The following ERBB4 variants were observed in gnomAD, a reference collection of about 807,000 sequenced individuals.
The protein encoded by ERBB4 is receptor tyrosine-protein kinase erbB-4.
In ERBB4, 42 loss-of-function variants were observed where a neutral mutation model predicts 158.0. The ratio of observed to expected loss-of-function variants is 0.27; its 90% confidence interval spans 0.21 to 0.34. The LOEUF is 0.34. Among genes scored for constraint, ERBB4 ranks in the 10% least tolerant of loss-of-function variants. The probability of loss-of-function intolerance (pLI) is 1.00; values close to 1 mark genes in which losing one functional copy is unlikely to be tolerated. For missense variants in ERBB4, 1,333 were observed against 1,624.1 expected (o/e 0.82, Z 3.08); for synonymous variants, 583 against 558.7 (o/e 1.04, Z -0.61).
chr2:212,501,721 C>T (rs1304894887), intron 1 of ERBB4, among the ~76,000 whole-genome samples: 1 of 152,128 alleles, frequency 6.6e-6, no homozygotes, highest in African/African-American at 2.4e-5. Context: ...TGAGCTCCAT[C>T]TTGGACTTTC....
In ERBB4 at chr2:211,685,971, C is replaced by T. The variant is rs115573931; in HGVS notation, c.1490-6787G>A. ...AAACTTTGTAAGTTTTATCTTCTAT[C>T]CTATAATCATGCTGAATTTGCTTAT... On this transcript the variant is annotated intron_variant, in intron 12 of 27. Transcript: ENST00000342788. Among the ~76,000 whole-genome samples, 431 of 152,200 alleles carry T rather than the reference C, an allele frequency of 2.8e-3. 6 individuals carry two copies. The highest frequency in any genetic ancestry group is 0.01 in the African/African-American group (421 of 41,558).
At chr2:212,301,020 T>C (rs2086599134) in intron 1 of ERBB4, among the ~76,000 whole-genome samples, 1 of 151,526 alleles carries the variant, frequency 6.6e-6, no homozygotes, top group African/African-American at 2.4e-5. Flanking sequence ...AGAATATGCT[T>C]CCATTAAAAG....
At chr2:211,898,625 A>G (rs1311947706) in intron 3 of ERBB4, among the ~76,000 whole-genome samples, 1 of 152,182 alleles carries the variant, frequency 6.6e-6, no homozygotes, top group Non-Finnish European at 1.5e-5. Flanking sequence ...AAATCCATTA[A>G]ATGTTTTTAA....
At chr2:211,844,899 C>T (rs2077555217) in intron 3 of ERBB4, among the ~76,000 whole-genome samples, 1 of 152,090 alleles carries the variant, frequency 6.6e-6, no homozygotes, top group Admixed American at 6.6e-5. Flanking sequence ...CTAATTTATT[C>T]TTAGTGTCCT....
At chr2:211,505,422 A>G (rs776284322) in intron 20 of ERBB4, among the ~76,000 whole-genome samples, 4 of 152,094 alleles carry the variant, frequency 2.6e-5, no homozygotes, top group African/African-American at 4.8e-5. Context: ...GGGAATTGCT[A>G]TCACTAGACT....
At chr2:211,739,053 T>C (rs7422793) in intron 5 of ERBB4, among the ~76,000 whole-genome samples, 57,592 of 151,998 alleles carry the variant, frequency 0.38, 11,490 homozygotes, top group African/African-American at 0.52. Context: ...TCCAGTTATA[T>C]CACATGTTTT....
rs1363011079 is a variant in ERBB4, at chr2:212,446,607, A to G, written c.82+91842T>C. On this transcript the variant is annotated intron_variant, in intron 1 of 27. Coordinates refer to ENST00000342788, the MANE Select transcript of ERBB4 (RefSeq NM_005235.3). ...TATATATATGTATATATATATATAT[A>G]TATATATATATATATATATATATAT... is the stretch of plus-strand genomic sequence containing the variant. Among the ~76,000 whole-genome samples the G allele has an allele frequency of 1.1e-4, 4 of 36,102 alleles. 1 individual carries two copies. The highest frequency in any genetic ancestry group is 5.6e-4 in the East Asian group (1 of 1,778). The allele number at this position is 36,102 out of a possible 152,430, so 23.7% of individuals were successfully genotyped here.
chr2:212,027,151 A>G (rs1322463384), intron 2 of ERBB4, among the ~76,000 whole-genome samples: 1 of 152,026 alleles, frequency 6.6e-6, no homozygotes, highest in African/African-American at 2.4e-5. Flanking sequence ...TAATATGCTA[A>G]GCCTCAGTTT....
At chr2:212,058,853 T>C (rs1358918267) in intron 2 of ERBB4, among the ~76,000 whole-genome samples, 3 of 152,154 alleles carry the variant, frequency 2.0e-5, no homozygotes, top group Non-Finnish European at 4.4e-5. Context: ...GGCCAAAAAC[T>C]GGAAGCATTC....
intron 14 of ERBB4, among the ~76,000 whole-genome samples, chr2:211,666,458 A>G (rs2071632337): frequency 6.6e-6 from 1 of 152,200 alleles, no homozygotes; most frequent in Non-Finnish European, 1.5e-5. Context: ...AAATATATCT[A>G]AAAGTCATGA....
chr2:212,286,138 CAT>C (rs1559927201), intron 1 of ERBB4, among the ~76,000 whole-genome samples: 1 of 152,136 alleles, frequency 6.6e-6, no homozygotes, highest in Admixed American at 6.5e-5. Flanking sequence ...GCAAGAGGTA[CAT>C]ATTAATTCAG....
At chr2:212,032,144 G>T (rs746638439) in intron 2 of ERBB4, among the ~76,000 whole-genome samples, 74 of 152,052 alleles carry the variant, frequency 4.9e-4, no homozygotes, top group Admixed American at 1.4e-3. Flanking sequence ...GTTGATGCAG[G>T]CCTTCTCAGC....
chr2:211,525,134 G>C (rs779451932), intron 20 of ERBB4, among the ~76,000 whole-genome samples: 5 of 152,130 alleles, frequency 3.3e-5, no homozygotes, highest in Admixed American at 6.5e-5. Flanking sequence ...CACAAAGACT[G>C]CAAGTCCTAG....
intron 19 of ERBB4, among the ~76,000 whole-genome samples, chr2:211,610,066 T>A (rs953686650): frequency 3.3e-5 from 5 of 152,082 alleles, no homozygotes; most frequent in Non-Finnish European, 7.4e-5. Context: ...CATGTGATCA[T>A]TGTAATAAGT....
intron 19 of ERBB4, among the ~76,000 whole-genome samples, chr2:211,563,589 G>A (rs1243555749): frequency 1.3e-5 from 2 of 152,072 alleles, no homozygotes; most frequent in African/African-American, 2.4e-5. Flanking sequence ...GGATAATTGA[G>A]GAAATCTAAA....
chr2:212,050,267 G>A (rs1017858580), intron 2 of ERBB4, among the ~76,000 whole-genome samples: 4 of 152,082 alleles, frequency 2.6e-5, no homozygotes, highest in Non-Finnish European at 5.9e-5. Flanking sequence ...TTTAGATTTA[G>A]GGGATCTATG....
chr2:211,752,744 T>C (rs2075171461), intron 4 of ERBB4, among the ~76,000 whole-genome samples: 1 of 152,196 alleles, frequency 6.6e-6, no homozygotes, highest in South Asian at 2.1e-4. Flanking sequence ...CTAGAAATAC[T>C]GTTGACGGTT....
intron 3 of ERBB4, among the ~76,000 whole-genome samples, chr2:211,863,865 T>C (rs941905351): frequency 3.9e-5 from 6 of 152,218 alleles, no homozygotes; most frequent in African/African-American, 9.6e-5. Context: ...CATAGGTTTC[T>C]GTGTATTCAG....
chr2:212,069,610 A>G (rs1302005084), intron 2 of ERBB4, among the ~76,000 whole-genome samples: 4 of 152,076 alleles, frequency 2.6e-5, no homozygotes, highest in Non-Finnish European at 5.9e-5. Flanking sequence ...AAACATTCAG[A>G]TTGGAATGAA....
Sources: gnomAD v4.1 joint callset for allele counts (sites outside exome capture counted in the v4.1 genomes callset) on GRCh38, gnomAD v4.1.1 for gene constraint, MANE v1.5 for transcripts, NCBI Gene and HGNC (gene_info 2026-07-23, HGNC 2026-07-21) for gene names.